ARHGEF3: variants seen among roughly 807,000 people sequenced by gnomAD.
The protein encoded by ARHGEF3 is Rho guanine nucleotide exchange factor 3.
In ARHGEF3, 28 loss-of-function variants were observed where a neutral mutation model predicts 63.2. That is an observed-to-expected ratio of 0.44 (90% CI 0.33 to 0.61). The LOEUF is 0.61. Among genes scored for constraint, ARHGEF3 ranks in the 20% least tolerant of loss-of-function variants. The pLI is 0.03. For missense variants in ARHGEF3, 533 were observed against 659.3 expected (o/e 0.81, Z 2.10); for synonymous variants, 266 against 254.2 (o/e 1.05, Z -0.44).
intron 4 of ARHGEF3, among the ~76,000 whole-genome samples, chr3:56,845,261 G>C (rs1578659747): frequency 6.6e-6 from 1 of 152,210 alleles, no homozygotes; most frequent in Non-Finnish European, 1.5e-5. Flanking sequence ...AGAAGGCCTA[G>C]CTAAGCAATG....
chr3:56,761,279 G>A (rs1236285751), intron 2 of ARHGEF3, among the ~76,000 whole-genome samples: 1 of 152,020 alleles, frequency 6.6e-6, no homozygotes, highest in Non-Finnish European at 1.5e-5. Flanking sequence ...CCCATCATCA[G>A]TACCACTGGG....
intron 4 of ARHGEF3, among the ~76,000 whole-genome samples, chr3:56,828,852 C>T (rs1354820530): frequency 2.0e-5 from 3 of 152,066 alleles, no homozygotes; most frequent in Non-Finnish European, 4.4e-5. Flanking sequence ...AAAGAGATCC[C>T]TTGTATGGTT....
intron 2 of ARHGEF3, among the ~76,000 whole-genome samples, chr3:56,962,644 G>A (rs1700330758): frequency 6.6e-6 from 1 of 152,186 alleles, no homozygotes; most frequent in South Asian, 2.1e-4. Context: ...TGGAGGGGTT[G>A]GAGTTGGGGG....
At chr3:56,972,038 C>A (rs1231724618) in intron 2 of ARHGEF3, among the ~76,000 whole-genome samples, 2 of 152,000 alleles carry the variant, frequency 1.3e-5, no homozygotes, top group Non-Finnish European at 2.9e-5. Context: ...GGACTCCTAT[C>A]TATTTCCTTA....
intron 2 of ARHGEF3, among the ~76,000 whole-genome samples, chr3:56,961,618 G>A (rs1433488881): frequency 6.7e-6 from 1 of 148,972 alleles, no homozygotes; most frequent in Non-Finnish European, 1.5e-5. Flanking sequence ...GGCAACTTAA[G>A]TGTCCCTGTC....
intron 3 of ARHGEF3, among the ~76,000 whole-genome samples, chr3:56,916,637 G>A (rs142820314): frequency 6.6e-6 from 1 of 152,196 alleles, no homozygotes; most frequent in African/African-American, 2.4e-5. Context: ...CAGCCTGTAA[G>A]AGACAAACAG....
intron 3 of ARHGEF3, among the ~76,000 whole-genome samples, chr3:56,892,111 C>T (rs1047014487): frequency 6.6e-6 from 1 of 152,188 alleles, no homozygotes; most frequent in African/African-American, 2.4e-5. Context: ...TAACAAGCAG[C>T]AGGATTCACT....
At chr3:56,829,074 T>C (rs1333109303) in intron 4 of ARHGEF3, among the ~76,000 whole-genome samples, 1 of 152,066 alleles carries the variant, frequency 6.6e-6, no homozygotes, top group Non-Finnish European at 1.5e-5. Flanking sequence ...TACAGGTGCA[T>C]GCCACCATGC....
chr3:56,775,135 A>T (rs1559928918), intron 1 of ARHGEF3: 1 of 1,543,536 alleles, frequency 6.5e-7, no homozygotes, highest in Non-Finnish European at 8.7e-7. Context: ...GCCTCTAGGT[A>T]TTCATCTTTC....
chr3:56,774,360 G>A (rs2036175661), intron 1 of ARHGEF3, among the ~76,000 whole-genome samples: 1 of 151,936 alleles, frequency 6.6e-6, no homozygotes, highest in Non-Finnish European at 1.5e-5. Flanking sequence ...AAGCATCTTT[G>A]TATCTACAGC....
chr3:56,738,407 A>T (rs956115077), intron 7 of ARHGEF3, among the ~76,000 whole-genome samples: 7 of 151,752 alleles, frequency 4.6e-5, no homozygotes. Flanking sequence ...CCTCAGCTCA[A>T]GTGATCCACC....
At chr3:56,895,487 G>T (rs2041272406) in intron 3 of ARHGEF3, among the ~76,000 whole-genome samples, 2 of 150,236 alleles carry the variant, frequency 1.3e-5, no homozygotes, top group African/African-American at 2.4e-5. Context: ...TTTTTGAGAT[G>T]GAGTCTTGTT....
intron 4 of ARHGEF3, among the ~76,000 whole-genome samples, chr3:56,834,746 C>CAA (rs763133636): frequency 1.9e-4 from 13 of 69,750 alleles, no homozygotes; most frequent in African/African-American, 5.4e-4. Flanking sequence ...CTCTGACTTA[C>CAA]AAAAAAAAAA....
intron 1 of ARHGEF3, among the ~76,000 whole-genome samples, chr3:57,058,829 C>A (rs981752559): frequency 1.1e-4 from 16 of 152,100 alleles, no homozygotes; most frequent in Admixed American, 3.9e-4. Flanking sequence ...ATGATGAGTT[C>A]ATGTCCTTTG....
At chr3:56,756,511 T>C (rs1369325410) in intron 2 of ARHGEF3, among the ~76,000 whole-genome samples, 1 of 151,760 alleles carries the variant, frequency 6.6e-6, no homozygotes, top group Non-Finnish European at 1.5e-5. Flanking sequence ...CAATCTTCTC[T>C]TCCTGGAATG....
intron 3 of ARHGEF3, among the ~76,000 whole-genome samples, chr3:56,943,438 G>A (rs939353179): frequency 9.9e-5 from 15 of 152,128 alleles, no homozygotes; most frequent in African/African-American, 1.4e-4. Flanking sequence ...GAGACTTACC[G>A]CTCAGAAAAA....
At chr3:56,882,454 T>G in intron 3 of ARHGEF3, 1 of 910,406 alleles carries the variant, frequency 1.1e-6, no homozygotes, top group Non-Finnish European at 1.7e-6. Flanking sequence ...GCAATCCTTA[T>G]CATTTCTACC....
At chr3:56,930,563 G>A (rs2042384140) in intron 3 of ARHGEF3, among the ~76,000 whole-genome samples, 1 of 152,130 alleles carries the variant, frequency 6.6e-6, no homozygotes, top group Non-Finnish European at 1.5e-5. Context: ...TGAGATACTT[G>A]CATTGTCTTT....
rs1187847933 is a variant in ARHGEF3, at chr3:56,948,132, T to A, written c.129+10691A>T. 2.6e-5 allele frequency among the ~76,000 whole-genome samples: 4 copies of A among 152,014 alleles called. 1 individual carries two copies. Among genetic ancestry groups the A allele is most frequent in the Non-Finnish European group, 1.5e-5 (1 of 67,928 alleles). On this transcript the variant is annotated intron_variant, in intron 3 of 12. Coordinates refer to the ARHGEF3 transcript ENST00000338458. ...TCTCTGGGACACATTTAAAGCAGTGTGTAGAGGGAAATTTATAGCACTAAA... is the reference window on the plus strand; with the variant it reads ...TCTCTGGGACACATTTAAAGCAGTGAGTAGAGGGAAATTTATAGCACTAAA...
Sources: allele counts gnomAD v4.1 joint callset (sites outside exome capture counted in the v4.1 genomes callset), GRCh38; gene constraint gnomAD v4.1.1; transcripts MANE v1.5; gene names NCBI Gene and HGNC (gene_info 2026-07-23, HGNC 2026-07-21).